MECOM: variants seen among roughly 807,000 people sequenced by gnomAD.
MECOM encodes MDS1 and EVI1 complex locus, also known as histone-lysine N-methyltransferase MECOM.
Under a neutral mutation model 116.3 loss-of-function variants are expected in MECOM, and 13 were observed. That is an observed-to-expected ratio of 0.11 (90% confidence interval 0.07 to 0.18). The LOEUF is 0.18. MECOM is among the 10% of genes least tolerant of loss of function. The probability of loss-of-function intolerance (pLI) is 1.00; values close to 1 mark genes in which losing one functional copy is unlikely to be tolerated. For synonymous variants in MECOM, 528 were observed against 535.2 expected (o/e 0.99, Z 0.19); for missense variants, 1,299 against 1,509.0 (o/e 0.86, Z 2.31).
intron 1 of MECOM, among the ~76,000 whole-genome samples, chr3:169,382,772 G>T (rs1732622724): frequency 6.9e-6 from 1 of 145,332 alleles, no homozygotes; most frequent in Admixed American, 7.2e-5. Flanking sequence ...AGGATTGCTT[G>T]AACTTGAGAA....
intron 1 of MECOM, among the ~76,000 whole-genome samples, chr3:169,506,597 C>G (rs1434758048): frequency 2.0e-5 from 3 of 152,030 alleles, no homozygotes; most frequent in African/African-American, 7.3e-5. Context: ...TTTAAAAAGC[C>G]TTAATGTTCT....
chr3:169,093,929 A>G (rs973522538), intron 13 of MECOM, among the ~76,000 whole-genome samples: 2 of 152,196 alleles, frequency 1.3e-5, no homozygotes, highest in African/African-American at 4.8e-5. Flanking sequence ...AGAGGTTACA[A>G]TCTTGGTCAA....
At chr3:169,498,315 T>C (rs545228903) in intron 1 of MECOM, among the ~76,000 whole-genome samples, 1 of 152,202 alleles carries the variant, frequency 6.6e-6, no homozygotes, top group East Asian at 1.9e-4. Flanking sequence ...TGTAAGTACA[T>C]GCCAAAATTG....
chr3:169,605,645 C>T (rs1333679500), intron 1 of MECOM, among the ~76,000 whole-genome samples: 2 of 152,130 alleles, frequency 1.3e-5, no homozygotes, highest in African/African-American at 2.4e-5. Flanking sequence ...AAAAGAATGT[C>T]GTGTGATCAG....
At chr3:169,318,315 A>G (rs1720144665) in intron 2 of MECOM, among the ~76,000 whole-genome samples, 1 of 152,222 alleles carries the variant, frequency 6.6e-6, no homozygotes, top group South Asian at 2.1e-4. Flanking sequence ...AAAAGAAACT[A>G]CCATCAGAGT....
intron 1 of MECOM, among the ~76,000 whole-genome samples, chr3:169,641,008 C>G (rs182915083): frequency 6.6e-6 from 1 of 152,212 alleles, no homozygotes; most frequent in Non-Finnish European, 1.5e-5. Context: ...ACCAGTGACA[C>G]TCTAGATCTC....
intron 7 of MECOM, 120 bp from the exon 8 acceptor site, chr3:169,116,859 C>A: frequency 7.8e-7 from 1 of 1,285,392 alleles, no homozygotes; most frequent in Non-Finnish European, 1.0e-6. Flanking sequence ...ACATTGGAGG[C>A]ACCAATCTGG....
chr3:169,144,896 C>A, intron 2 of MECOM: 1 of 876,088 alleles, frequency 1.1e-6, no homozygotes, highest in Non-Finnish European at 1.8e-6. Flanking sequence ...TATGCATAAC[C>A]ACATAAAAGT....
chr3:169,283,414 C>CG (rs530353516), intron 2 of MECOM, among the ~76,000 whole-genome samples: 67 of 143,332 alleles, frequency 4.7e-4, no homozygotes, highest in African/African-American at 1.6e-3. Flanking sequence ...GACCCCATCT[C>CG]AAAAAAAAAA....
At chr3:169,144,064 T>C (rs1180562953) in intron 2 of MECOM, among the ~76,000 whole-genome samples, 1 of 152,202 alleles carries the variant, frequency 6.6e-6, no homozygotes, top group Non-Finnish European at 1.5e-5. Flanking sequence ...AACTGATTAA[T>C]TGGTTTCAAA....
chr3:169,143,247 C>T (rs763742270), intron 3 of MECOM, among the ~76,000 whole-genome samples: 19 of 151,990 alleles, frequency 1.3e-4, no homozygotes, highest in Non-Finnish European at 2.5e-4. Flanking sequence ...ATATAAAATG[C>T]ATAATTAGAT....
At chr3:169,545,261 C>G (rs755081203) in intron 1 of MECOM, among the ~76,000 whole-genome samples, 1 of 152,054 alleles carries the variant, frequency 6.6e-6, no homozygotes, top group Non-Finnish European at 1.5e-5. Flanking sequence ...ACATAATAGG[C>G]ACTCTGCTAC....
intron 2 of MECOM, among the ~76,000 whole-genome samples, chr3:169,323,248 G>A (rs1267383992): frequency 6.6e-6 from 1 of 152,168 alleles, no homozygotes; most frequent in African/African-American, 2.4e-5. Flanking sequence ...GAGGAGGTCA[G>A]AAACCAGTGC....
chr3:169,557,424 G>A (rs1342863841), intron 1 of MECOM, among the ~76,000 whole-genome samples: 2 of 152,118 alleles, frequency 1.3e-5, no homozygotes, highest in East Asian at 1.9e-4. Flanking sequence ...TTAAAATTAA[G>A]TATTCACACA....
intron 1 of MECOM, among the ~76,000 whole-genome samples, chr3:169,662,348 C>A (rs1164754640): frequency 6.6e-6 from 1 of 152,204 alleles, no homozygotes; most frequent in Non-Finnish European, 1.5e-5. Context: ...GCAGCCCGCC[C>A]CCTGGGGTTT....
At chr3:169,335,363 G>C (rs1221279557) in intron 2 of MECOM, among the ~76,000 whole-genome samples, 1 of 152,120 alleles carries the variant, frequency 6.6e-6, no homozygotes, top group African/African-American at 2.4e-5. Context: ...TATTCTCTGT[G>C]CTATTTTCCT....
Position 169,512,987 on chromosome 3 carries a change from T to A in MECOM, c.38-131463A>T, listed in dbSNP as rs569821195. Among the ~76,000 whole-genome samples, 223 of 152,322 alleles carry A rather than the reference T, an allele frequency of 1.5e-3. 1 individual carries two copies. Among genetic ancestry groups the A allele is most frequent in the Non-Finnish European group, 2.8e-3 (192 of 68,026 alleles). On this transcript the variant is annotated intron_variant, in intron 1 of 16. Transcript: ENST00000651503. ...GCTTCAATCTTACCTTAAAAACAGATCCTTTGTGACAATTCTATCAACTAT... is the reference window on the plus strand; with the variant it reads ...GCTTCAATCTTACCTTAAAAACAGAACCTTTGTGACAATTCTATCAACTAT...
chr3:169,520,820 T>C (rs1757253980), intron 1 of MECOM, among the ~76,000 whole-genome samples: 1 of 152,116 alleles, frequency 6.6e-6, no homozygotes, highest in South Asian at 2.1e-4. Context: ...GTGTGTGACT[T>C]AGTGGCTCAG....
intron 4 of MECOM, among the ~76,000 whole-genome samples, chr3:169,130,324 G>A (rs563274771): frequency 2.6e-5 from 4 of 152,206 alleles, no homozygotes; most frequent in East Asian, 1.9e-4. Flanking sequence ...CCTTGCTGCC[G>A]AAGAGCCCTT....
Sources: allele counts gnomAD v4.1 joint callset (sites outside exome capture counted in the v4.1 genomes callset), GRCh38; gene constraint gnomAD v4.1.1; transcripts MANE v1.5; gene names NCBI Gene and HGNC (gene_info 2026-07-23, HGNC 2026-07-21).